Variants in AXIN2 observed in about 807,000 individuals in gnomAD.
AXIN2 encodes axin-2.
A neutral mutation model predicts 74.7 loss-of-function variants in AXIN2; 21 were observed. That is an observed-to-expected ratio of 0.28 (90% CI 0.20 to 0.40). The LOEUF is 0.40. Ranked by LOEUF, AXIN2 falls within the 10% of genes least tolerant of loss-of-function variation. The pLI, the probability that AXIN2 is intolerant of heterozygous loss-of-function variation, is 1.00. For missense variants in AXIN2, 1,144 were observed against 1,111.1 expected, an observed-to-expected ratio of 1.03 and a Z score of -0.42; for synonymous variants, 532 against 454.9, an observed-to-expected ratio of 1.17 and a Z score of -2.16.
intron 1 of AXIN2, chr17:65,559,807 A>G (rs1015833731): frequency 2.6e-5 from 4 of 152,290 alleles, no homozygotes; most frequent in African/African-American, 9.6e-5. Context: ...CCGGGCGAGA[A>G]GCCAGGGACC....
chr17:65,560,870 C>G (rs1213767772), intron 1 of AXIN2: 1 of 149,638 alleles, frequency 6.7e-6, no homozygotes. Context: ...GCAGGCGCCC[C>G]TGGCAGGGGC....
chr17:65,557,867 T>G lies in AXIN2; in HGVS notation c.754A>C (p.Ser252Arg), dbSNP rs2044293390. ...CTCGCCGTGGCCCTCAGAGTTTTGC[T>G]GGACAAGCCAACCACGGTTGGCGAA... Reference protein sequence around the residue: ...KLSPTVVGLSSKTLRATASVR... With the variant: ...KLSPTVVGLSRKTLRATASVR... Residue 252 changes from serine to arginine, a missense_variant, in exon 2 of 11, where the codon AGC becomes CGC. Around this residue, in one of 4 missense-constraint regions of AXIN2, gnomAD observed 1,053 missense variants for 973.5 expected, o/e 1.08. Coordinates refer to ENST00000307078, the MANE Select transcript of AXIN2 (RefSeq NM_004655.4). The G allele has an allele frequency of 3.1e-6, 5 of 1,614,204 alleles. No homozygotes were observed. The highest frequency in any genetic ancestry group is 3.4e-6 in the Non-Finnish European group (4 of 1,180,048).
At chr17:65,532,178 G>A (rs974426263) in intron 10 of AXIN2, among the ~76,000 whole-genome samples, 14 of 152,072 alleles carry the variant, frequency 9.2e-5, no homozygotes, top group African/African-American at 2.9e-4. Context: ...GGGGAGGCCA[G>A]GGCTTCAAAG....
rs576315579 is a variant in AXIN2, at chr17:65,553,852, G to A, written c.815+3954C>T. Among the ~76,000 whole-genome samples, 504 of 149,686 alleles carry A rather than the reference G, an allele frequency of 3.4e-3. 23 individuals are homozygous for A. The highest frequency in any genetic ancestry group is 5.1e-3 in the Admixed American group (77 of 15,002). On this transcript the variant is annotated intron_variant, in intron 2 of 10. Coordinates refer to ENST00000307078, the MANE Select transcript of AXIN2 (RefSeq NM_004655.4). ...TGATTACTTAAAAAAAAAGGCGGGGGGGGGGGGAGGAAACTCAAACCACGC... is the reference window on the plus strand; with the variant it reads ...TGATTACTTAAAAAAAAAGGCGGGGAGGGGGGGAGGAAACTCAAACCACGC...
rs74006838 is a variant in AXIN2 at position 65,536,509 on chromosome 17, G to C, written c.1952C>G (p.Ser651Trp). The C allele has an allele frequency of 2.2e-5, 35 of 1,613,842 alleles. No individual in the cohort carries two copies. The highest frequency in any genetic ancestry group is 3.0e-5 in the Non-Finnish European group (35 of 1,180,024). The part of the protein sequence containing the change: ...KKAYPLESAR[S>W]SPGERASRHH... ...CCGGCTGGCTCGTTCGCCTGGAGAC[G>C]AGCGGGCAGACTCCAAGGGGTAGGC... The change falls in exon 8 of 11, where the codon TCG becomes TGG. Residue 651 changes from serine (S) to tryptophan (W), a missense_variant. Ser to Trp is a radical substitution (Grantham distance 177). Transcript: ENST00000307078.
intron 4 of AXIN2, among the ~76,000 whole-genome samples, chr17:65,540,494 A>AT (rs920156859): frequency 5.5e-4 from 83 of 150,750 alleles, no homozygotes; most frequent in African/African-American, 1.6e-3. Flanking sequence ...CTGATAGGGA[A>AT]TTTTTTTTTT....
At chr17:65,535,016 C>T (rs2043884401) in intron 9 of AXIN2, among the ~76,000 whole-genome samples, 1 of 152,178 alleles carries the variant, frequency 6.6e-6, no homozygotes, top group African/African-American at 2.4e-5. Context: ...GGGTCCAGGG[C>T]AGTGGCCTAT....
chr17:65,536,449 C>T lies in AXIN2; in HGVS notation c.2012G>A (p.Arg671His), dbSNP rs765845684. Residue 671 changes from arginine (R) to histidine (H), a missense_variant, in exon 8 of 11, where the codon CGC becomes CAC. Arg to His is a conservative substitution (Grantham distance 29). Transcript: ENST00000307078. Reference sequence around the variant, plus strand: ...GAACAGGTGGGCACGGGGGGTGGTGCGGGGGTGCCCGCTGTTGCCCCCCCA... The same window carrying T: ...GAACAGGTGGGCACGGGGGGTGGTGTGGGGGTGCCCGCTGTTGCCCCCCCA... ...HLWGGNSGHP[R>H]TTPRAHLFTQ... The T allele has an allele frequency of 4.4e-6, 7 of 1,607,536 alleles. No homozygotes were observed. Among genetic ancestry groups the T allele is most frequent in the East Asian group, 4.5e-5 (2 of 44,878 alleles).
chr17:65,560,654 G>A (rs889109182), intron 1 of AXIN2: 5 of 151,462 alleles, frequency 3.3e-5, no homozygotes, highest in African/African-American at 1.2e-4. Flanking sequence ...TCCGGCGCAG[G>A]GCGCGCAAGG....
intron 2 of AXIN2, among the ~76,000 whole-genome samples, chr17:65,550,448 G>A (rs888803748): frequency 6.6e-6 from 1 of 152,128 alleles, no homozygotes; most frequent in African/African-American, 2.4e-5. Flanking sequence ...TCACCCTCCT[G>A]ATCTCCTTCC....
At chr17:65,551,618 C>G (rs112606740) in intron 2 of AXIN2, among the ~76,000 whole-genome samples, 2,083 of 152,292 alleles carry the variant, frequency 0.014, 42 homozygotes, top group African/African-American at 0.047. Context: ...TCTGTCTCAA[C>G]AGGGGATGGT....
At position 65,537,420 on chromosome 17, in the gene AXIN2, A is replaced by C. The variant is rs2144457969; in HGVS notation, c.1616T>G (p.Val539Gly). ...GCTGCCCCCAGGGCAGAAGCAGTGC[A>C]CCCGCTGCGTGGCCTCCGCCTCGAT... ...EEIEAEATQR[V>G]HCFCPGGSEY... Residue 539 changes from valine (V) to glycine (G), a missense_variant, in exon 6 of 11, where the codon GTG becomes GGG. Val to Gly is a moderately radical substitution (Grantham distance 109). Transcript: ENST00000307078. 3 of 1,613,396 alleles carry C rather than the reference A, an allele frequency of 1.9e-6. 1 individual carries two copies. In the South Asian group the frequency reaches 3.3e-5, roughly 18 times the overall value.
At chr17:65,544,761 A>T (rs2144515979) in intron 3 of AXIN2, among the ~76,000 whole-genome samples, 1 of 152,278 alleles carries the variant, frequency 6.6e-6, no homozygotes, top group Middle Eastern at 3.4e-3. Context: ...CATGGTTTTG[A>T]AGTGTGGACT....
chr17:65,554,059 A>AC (rs1057474419), intron 2 of AXIN2, among the ~76,000 whole-genome samples: 6 of 151,770 alleles, frequency 4.0e-5, no homozygotes, highest in Non-Finnish European at 7.4e-5. Context: ...GGTGGCAGAG[A>AC]CCCCCGGAAC....
chr17:65,548,865 G>A (rs2044152606), intron 3 of AXIN2, among the ~76,000 whole-genome samples: 1 of 152,200 alleles, frequency 6.6e-6, no homozygotes, highest in Non-Finnish European at 1.5e-5. Context: ...ATCAAAGGCT[G>A]TCTGCCAAAG....
intron 4 of AXIN2, among the ~76,000 whole-genome samples, chr17:65,540,037 A>G (rs2044017361): frequency 2.0e-5 from 3 of 152,240 alleles, no homozygotes; most frequent in Admixed American, 2.0e-4. Context: ...CACTTCGTTC[A>G]TTCCGCATTT....
chr17:65,541,785 TGCAGAA>T (rs2144502362), intron 3 of AXIN2, among the ~76,000 whole-genome samples: 1 of 152,348 alleles, frequency 6.6e-6, no homozygotes, highest in South Asian at 2.1e-4. Flanking sequence ...CTTCCTTGGA[TGCAGAA>T]GCATCAACTT....
intron 5 of AXIN2, 144 bp downstream of exon 5, chr17:65,538,059 G>GGCACACGCCCAC (rs2043970815): frequency 6.8e-7 from 1 of 1,468,146 alleles, no homozygotes; most frequent in Non-Finnish European, 9.3e-7. Context: ...CCCACGCCCA[G>GGCACACGCCCAC]GCACACACCC....
rs541982822 is a variant in AXIN2 at position 65,528,809 on chromosome 17, G to A, written c.*1167C>T. ...CTCAATATAGGGCGACACACGGAGCGGGTGACCGTGCAGGTACAGGTACTG... is the reference window on the plus strand; with the variant it reads ...CTCAATATAGGGCGACACACGGAGCAGGTGACCGTGCAGGTACAGGTACTG... On this transcript the variant is annotated 3_prime_UTR_variant, in exon 11 of 11. Transcript: ENST00000307078. The A allele has an allele frequency of 2.1e-5, 10 of 476,554 alleles. No homozygotes were observed. Among genetic ancestry groups the A allele is most frequent in the Middle Eastern group, 3.1e-4 (1 of 3,218 alleles). 29.5% of individuals were successfully genotyped at this position (476,554 alleles called of 1,614,324 possible).
Sources: allele counts gnomAD v4.1 joint callset (sites outside exome capture counted in the v4.1 genomes callset), GRCh38; gene constraint gnomAD v4.1.1; regional missense constraint gnomAD v4.1.1; transcripts MANE v1.5; gene names NCBI Gene and HGNC (gene_info 2026-07-23, HGNC 2026-07-21).